The following FHIT variants were observed in gnomAD, a reference collection of about 807,000 sequenced individuals.
The protein encoded by FHIT is bis(5'-adenosyl)-triphosphatase.
FHIT carries 19 observed loss-of-function variants against 17.9 expected under a neutral mutation model. That is an observed-to-expected ratio of 1.06 (90% CI 0.74 to 1.56). The LOEUF is 1.56. Among genes scored for constraint, FHIT ranks in the 40% most tolerant of loss-of-function variants. FHIT has a pLI of 0.00. For missense variants in FHIT, 248 were observed against 189.2 expected (o/e 1.31, Z -1.82); for synonymous variants, 81 against 69.7 (o/e 1.16, Z -0.81).
intron 7 of FHIT, among the ~76,000 whole-genome samples, chr3:59,944,329 C>G (rs538821053): frequency 6.6e-6 from 1 of 152,238 alleles, no homozygotes; most frequent in Non-Finnish European, 1.5e-5. Flanking sequence ...GCTCAAGATA[C>G]AGAATGAATC....
intron 3 of FHIT, among the ~76,000 whole-genome samples, chr3:60,875,711 T>G (rs915510299): frequency 6.6e-6 from 1 of 152,158 alleles, no homozygotes; most frequent in East Asian, 1.9e-4. Flanking sequence ...AATATATTTT[T>G]TTCATATGAT....
At chr3:60,064,770 C>T (rs992092520) in intron 5 of FHIT, among the ~76,000 whole-genome samples, 5 of 152,154 alleles carry the variant, frequency 3.3e-5, no homozygotes, top group African/African-American at 4.8e-5. Context: ...CATTTACATC[C>T]CTTTCACCTT....
intron 5 of FHIT, among the ~76,000 whole-genome samples, chr3:60,363,444 A>G (rs1699983977): frequency 6.6e-6 from 1 of 152,112 alleles, no homozygotes; most frequent in Non-Finnish European, 1.5e-5. Flanking sequence ...ATAACTAAGC[A>G]CTGTATGCCA....
intron 2 of FHIT, among the ~76,000 whole-genome samples, chr3:61,080,012 ACT>A (rs971394680): frequency 1.3e-5 from 2 of 152,104 alleles, no homozygotes; most frequent in African/African-American, 4.8e-5. Context: ...TTATCATCAA[ACT>A]CTTAAAGTAT....
At chr3:60,736,835 T>C (rs955592911) in intron 4 of FHIT, among the ~76,000 whole-genome samples, 6 of 152,172 alleles carry the variant, frequency 3.9e-5, no homozygotes, top group African/African-American at 9.7e-5. Flanking sequence ...AAAAAAATGG[T>C]AGCCTATTCT....
chr3:60,044,469 C>T (rs73840529), intron 5 of FHIT, among the ~76,000 whole-genome samples: 11 of 152,216 alleles, frequency 7.2e-5, no homozygotes, highest in South Asian at 2.1e-4. Flanking sequence ...CAAAGCAAAT[C>T]GTGTCCCTCA....
intron 5 of FHIT, among the ~76,000 whole-genome samples, chr3:60,088,625 C>A (rs756169394): frequency 1.3e-5 from 2 of 152,174 alleles, no homozygotes; most frequent in South Asian, 4.1e-4. Context: ...TAAATAAACA[C>A]TGTACTTGGA....
At chr3:59,988,471 A>G (rs1211802269) in intron 7 of FHIT, among the ~76,000 whole-genome samples, 1 of 152,090 alleles carries the variant, frequency 6.6e-6, no homozygotes, top group Non-Finnish European at 1.5e-5. Context: ...CATTATAATC[A>G]CAGTATCTCA....
chr3:61,202,004 A>G (rs911631687), intron 1 of FHIT, among the ~76,000 whole-genome samples: 3 of 152,144 alleles, frequency 2.0e-5, no homozygotes, highest in African/African-American at 7.2e-5. Flanking sequence ...ATATACACAC[A>G]CATGTACAAA....
intron 5 of FHIT, among the ~76,000 whole-genome samples, chr3:60,050,517 C>G (rs1350642021): frequency 1.3e-5 from 2 of 152,160 alleles, no homozygotes; most frequent in African/African-American, 2.4e-5. Flanking sequence ...TGAAGACTTT[C>G]TTACTGAAAG....
chr3:60,179,306 T>C (rs950471909), intron 5 of FHIT, among the ~76,000 whole-genome samples: 19 of 152,312 alleles, frequency 1.2e-4, no homozygotes, highest in Non-Finnish European at 2.4e-4. Context: ...GGGCAGGGAT[T>C]TGAAAGGCCT....
intron 8 of FHIT, among the ~76,000 whole-genome samples, chr3:59,917,886 C>T (rs1370913681): frequency 6.6e-6 from 1 of 152,222 alleles, no homozygotes; most frequent in African/African-American, 2.4e-5. Flanking sequence ...CCACACAAAT[C>T]TAGGTTTGGT....
chr3:60,826,371 G>A (rs1702123253), intron 3 of FHIT, among the ~76,000 whole-genome samples: 1 of 152,154 alleles, frequency 6.6e-6, no homozygotes, highest in East Asian at 1.9e-4. Flanking sequence ...TTGTTGCCCA[G>A]GCTGAAGTGC....
At chr3:60,103,680 T>G (rs1288014138) in intron 5 of FHIT, among the ~76,000 whole-genome samples, 4 of 152,168 alleles carry the variant, frequency 2.6e-5, no homozygotes, top group Non-Finnish European at 5.9e-5. Context: ...CAAAAGAATC[T>G]TTATGGCTTG....
At chr3:60,347,919 C>T (rs762892630) in intron 5 of FHIT, among the ~76,000 whole-genome samples, 8 of 152,032 alleles carry the variant, frequency 5.3e-5, no homozygotes, top group South Asian at 2.1e-4. Context: ...CCACCATGCC[C>T]GGCTAATTTT....
intron 5 of FHIT, among the ~76,000 whole-genome samples, chr3:60,281,618 C>CAAAAA (rs71627529): frequency 1.1e-5 from 1 of 92,278 alleles, no homozygotes; most frequent in Non-Finnish European, 2.5e-5. Context: ...ATCCATATGC[C>CAAAAA]AAAAAAAAAA....
intron 5 of FHIT, among the ~76,000 whole-genome samples, chr3:60,274,204 A>G (rs1171446427): frequency 1.3e-5 from 2 of 152,048 alleles, no homozygotes; most frequent in Non-Finnish European, 2.9e-5. Context: ...CACACCACTT[A>G]CCAGAGCTCT....
chr3:60,120,120 C>G (rs919016474), intron 5 of FHIT, among the ~76,000 whole-genome samples: 70 of 152,262 alleles, frequency 4.6e-4, no homozygotes, highest in African/African-American at 1.6e-3. Flanking sequence ...TTTTCCAGTC[C>G]TCTCATTAAA....
At chr3:60,549,260 A>G (rs1349954897) in intron 4 of FHIT, among the ~76,000 whole-genome samples, 1 of 152,306 alleles carries the variant, frequency 6.6e-6, no homozygotes, top group East Asian at 1.9e-4. Flanking sequence ...TTAGGTGACT[A>G]CTATCTCTCC....
Sources: gnomAD v4.1 joint callset for allele counts (sites outside exome capture counted in the v4.1 genomes callset) on GRCh38, gnomAD v4.1.1 for gene constraint, MANE v1.5 for transcripts, NCBI Gene and HGNC (gene_info 2026-07-23, HGNC 2026-07-21) for gene names.